The following LYRM4 variants were observed in gnomAD, a reference collection of about 807,000 sequenced individuals.
LYRM4 encodes LYR motif containing 4.
In LYRM4, 9 loss-of-function variants were observed where a neutral mutation model predicts 11.7. The observed-to-expected ratio is 0.77, with a 90% confidence interval of 0.46 to 1.34. The LOEUF (loss-of-function observed/expected upper bound fraction) is 1.34. Ranked by LOEUF, LYRM4 falls within the 40% of genes most tolerant of loss-of-function variation. LYRM4 has a pLI of 0.00. For synonymous variants in LYRM4, 42 were observed against 40.4 expected (o/e 1.04, Z -0.15); for missense variants, 133 against 112.5 (o/e 1.18, Z -0.82).
chr6:5,230,042 G>A (rs1263831962), intron 1 of LYRM4, among the ~76,000 whole-genome samples: 2 of 152,150 alleles, frequency 1.3e-5, no homozygotes, highest in African/African-American at 4.8e-5. Context: ...CAAAGTAAAG[G>A]CCACCTATAA....
At chr6:5,208,014 T>G (rs997134335) in intron 2 of LYRM4, among the ~76,000 whole-genome samples, 1 of 152,190 alleles carries the variant, frequency 6.6e-6, no homozygotes, top group African/African-American at 2.4e-5. Flanking sequence ...GGGCCCAACA[T>G]TCTCCTAATT....
chr6:5,051,620 A>G, the LYRM4 span, among the ~76,000 whole-genome samples: 1 of 152,242 alleles, frequency 6.6e-6, no homozygotes, highest in Non-Finnish European at 1.5e-5. Flanking sequence ...GGAAGAAATT[A>G]AGACATTCCC....
chr6:5,161,355 G>A (rs1758746748), intron 2 of LYRM4, among the ~76,000 whole-genome samples: 1 of 152,188 alleles, frequency 6.6e-6, no homozygotes, highest in South Asian at 2.1e-4. Flanking sequence ...AAATTAGTAG[G>A]ATCTATCTTT....
downstream of LYRM4, chr6:5,107,516 C>T (rs1762697304): frequency 6.6e-6 from 1 of 152,282 alleles, no homozygotes. Flanking sequence ...CAGAGCCACA[C>T]ACAGGGCTGG....
At chr6:5,088,658 T>C in the LYRM4 span, 1 of 152,224 alleles carries the variant, frequency 6.6e-6, no homozygotes, top group South Asian at 2.1e-4. Context: ...TCTAGGGAAG[T>C]AGTGTTTTTT....
intron 2 of LYRM4, chr6:5,113,410 T>C (rs746510963): frequency 2.5e-6 from 1 of 394,508 alleles, no homozygotes; most frequent in Non-Finnish European, 5.1e-6. Flanking sequence ...AGAGCGAGAT[T>C]CCGTTATCTA....
chr6:5,255,990 C>G (rs1219123361), intron 1 of LYRM4, among the ~76,000 whole-genome samples: 1 of 151,898 alleles, frequency 6.6e-6, no homozygotes, highest in African/African-American at 2.4e-5. Flanking sequence ...AGGGACTATC[C>G]TAAGTACTTG....
At chr6:5,068,639 G>A in the LYRM4 span, among the ~76,000 whole-genome samples, 31 of 152,222 alleles carry the variant, frequency 2.0e-4, no homozygotes, top group South Asian at 3.7e-3. This position sits in a 1 kb window ranked among gnomAD's most constrained non-coding sequence, Gnocchi z 4.0. Context: ...CCCTGTGTAC[G>A]TGACTTAATC....
chr6:5,221,111 G>A (rs1440207480), intron 1 of LYRM4, among the ~76,000 whole-genome samples: 7 of 152,166 alleles, frequency 4.6e-5, no homozygotes, highest in Admixed American at 4.6e-4. Flanking sequence ...ACAGGTGTGA[G>A]CCACTATATC....
At chr6:5,119,135 G>C (rs1763284590) in intron 2 of LYRM4, among the ~76,000 whole-genome samples, 1 of 152,136 alleles carries the variant, frequency 6.6e-6, no homozygotes, top group South Asian at 2.1e-4. Context: ...TGTTAGATAT[G>C]GGATATTCTT....
the LYRM4 span, among the ~76,000 whole-genome samples, chr6:5,074,555 CTATGCTG>C: frequency 6.6e-6 from 1 of 151,434 alleles, no homozygotes; most frequent in African/African-American, 2.4e-5. Flanking sequence ...CAGCTTGAAG[CTATGCTG>C]TGACTGGGTT....
intron 2 of LYRM4, chr6:5,144,236 C>G: frequency 6.5e-7 from 1 of 1,537,060 alleles, no homozygotes; most frequent in South Asian, 1.2e-5. Context: ...CCGACTTCCT[C>G]CTGGCGGCTG....
intron 2 of LYRM4, among the ~76,000 whole-genome samples, chr6:5,145,298 C>T (rs116622152): frequency 1.5e-3 from 229 of 152,272 alleles, no homozygotes; most frequent in African/African-American, 5.3e-3. Context: ...GTGGAGGAGC[C>T]GGCAGCATCT....
At chr6:5,142,763 T>A (rs1757474597) in intron 2 of LYRM4, among the ~76,000 whole-genome samples, 1 of 152,242 alleles carries the variant, frequency 6.6e-6, no homozygotes, top group South Asian at 2.1e-4. Context: ...TGGTGTAAAC[T>A]GACAACGCTT....
chr6:5,095,832 T>C, the LYRM4 span, among the ~76,000 whole-genome samples: 1 of 151,850 alleles, frequency 6.6e-6, no homozygotes, highest in Non-Finnish European at 1.5e-5. Flanking sequence ...ATACAAAAAT[T>C]AGCCAGGCGT....
chr6:5,245,580 A>G (rs761576301), intron 1 of LYRM4, among the ~76,000 whole-genome samples: 4 of 152,152 alleles, frequency 2.6e-5, no homozygotes, highest in Non-Finnish European at 5.9e-5. Context: ...ACTCATACAC[A>G]CAGACTTGTG....
the LYRM4 span, among the ~76,000 whole-genome samples, chr6:5,091,334 T>G: frequency 3.3e-3 from 497 of 152,278 alleles, 2 homozygotes; most frequent in African/African-American, 0.011. Flanking sequence ...CACACTGTTT[T>G]TTGCTTCCAG....
chr6:5,073,127 C>T, the LYRM4 span, among the ~76,000 whole-genome samples: 12 of 152,082 alleles, frequency 7.9e-5, no homozygotes, highest in Admixed American at 4.6e-4. Context: ...GTAATCCCAG[C>T]GCTTTGGGAG....
the LYRM4 span, among the ~76,000 whole-genome samples, chr6:5,081,710 CTTACATTG>C: frequency 1.3e-5 from 2 of 152,210 alleles, 1 homozygote; most frequent in South Asian, 4.1e-4. Context: ...TTTGTTATTA[CTTACATTG>C]TTAGTGTTAT....
Sources: gnomAD v4.1 joint callset for allele counts (sites outside exome capture counted in the v4.1 genomes callset) on GRCh38, gnomAD v4.1.1 for gene constraint, Gnocchi (gnomAD v3.1) non-coding constraint, MANE v1.5 for transcripts, NCBI Gene and HGNC (gene_info 2026-07-23, HGNC 2026-07-21) for gene names.